SCAF11: variants seen among roughly 807,000 people sequenced by gnomAD.
SCAF11 encodes the protein SR-related CTD associated factor 11, also known as protein SCAF11.
Under a neutral mutation model 140.5 loss-of-function variants are expected in SCAF11, and 47 were observed. That is an observed-to-expected ratio of 0.33 (90% CI 0.26 to 0.43). The LOEUF is 0.43. SCAF11 is among the 20% of genes least tolerant of loss of function. The pLI is 1.00. For missense variants in SCAF11, 1,645 were observed against 1,705.1 expected (o/e 0.96, Z 0.62); for synonymous variants, 557 against 579.4 (o/e 0.96, Z 0.55).
At chr12:45,986,734 T>A (rs1453426564) in intron 1 of SCAF11, among the ~76,000 whole-genome samples, 1 of 152,134 alleles carries the variant, frequency 6.6e-6, no homozygotes, top group African/African-American at 2.4e-5. Flanking sequence ...ATGGGGGCAG[T>A]TTCCCCCATA....
rs1013612372 is a variant in SCAF11 at position 45,919,792 on chromosome 12, T to A, written c.*2256A>T. 6.6e-6 allele frequency: 1 copy of A among 152,216 alleles called. No homozygotes were observed. The highest frequency in any genetic ancestry group is 2.4e-5 in the African/African-American group (1 of 41,456). The allele number at this position is 152,216 out of a possible 1,614,324, so 9.4% of individuals were successfully genotyped here. On this transcript the variant is annotated 3_prime_UTR_variant, in exon 15 of 15. Transcript: ENST00000369367. Reference sequence around the variant, plus strand: ...ATTCATGGGAGTGCTACTAAAGATATATGAGACTTCAACTCTTGACCACAT... The same window carrying A: ...ATTCATGGGAGTGCTACTAAAGATAAATGAGACTTCAACTCTTGACCACAT...
chr12:45,964,946 TCTA>T lies in SCAF11; in HGVS notation c.-21-761_-21-759del, dbSNP rs942606865. Reference sequence around the variant, plus strand: ...GGGTGAAAGTGTGTGTGTGTGTGTGTCTACTAAGGAGACAGTTGTGTGTGTGTA... The same window carrying T: ...GGGTGAAAGTGTGTGTGTGTGTGTGTCTAAGGAGACAGTTGTGTGTGTGTA... On this transcript the variant is annotated intron_variant, in intron 1 of 14. Transcript: ENST00000369367. 3.3e-5 allele frequency among the ~76,000 whole-genome samples: 5 copies of T among 152,114 alleles called. No homozygotes were observed. In the South Asian group the frequency reaches 6.2e-4, roughly 19 times the overall value.
chr12:45,923,544 G>T (rs562380655), intron 12 of SCAF11, among the ~76,000 whole-genome samples: 299 of 152,254 alleles, frequency 2.0e-3, no homozygotes, highest in Non-Finnish European at 2.2e-3. Context: ...ATGGCTTGTA[G>T]TAAGTTGACA....
Position 45,948,510 on chromosome 12 carries a change from T to C in SCAF11, c.325A>G (p.Thr109Ala), listed in dbSNP as rs1199154763. Residue 109 changes from threonine (T) to alanine (A), a missense_variant, in exon 5 of 15, where the codon ACA (threonine) becomes GCA (alanine). Coordinates refer to ENST00000369367, the MANE Select transcript of SCAF11 (RefSeq NM_004719.3). ...GAGTTTTCATTTTTCTTGTCTTTTG[T>C]TTCTCTCAGCTGTTTTTTTACTTGA... ...KVQVKKQLRE[T>A]KDKKNENSFE... is the part of the protein sequence containing the mutation. 1 of 1,611,266 alleles carries C rather than the reference T, an allele frequency of 6.2e-7. No homozygotes were observed. Among genetic ancestry groups the C allele is most frequent in the East Asian group, 2.2e-5 (1 of 44,776 alleles).
Position 45,926,695 on chromosome 12 carries a change from G to A in SCAF11, c.3006C>T (p.Asp1002=). ...QNENTRKEKN[D]IHLDADDPNS... ...TTGGATCATCAGCATCTAGATGGATGTCATTTTTTTCTTTTCTTGTATTTT... is the reference window on the plus strand; with the variant it reads ...TTGGATCATCAGCATCTAGATGGATATCATTTTTTTCTTTTCTTGTATTTT... Residue 1002 remains aspartate, a synonymous_variant, in exon 11 of 15, where the codon GAC becomes GAT. Coordinates refer to ENST00000369367, the MANE Select transcript of SCAF11 (RefSeq NM_004719.3). 6.2e-7 allele frequency: 1 copy of A among 1,613,326 alleles called. No homozygotes were observed. The highest frequency in any genetic ancestry group is 8.5e-7 in the Non-Finnish European group (1 of 1,179,930).
rs149452001 is a variant in SCAF11, at chr12:45,927,412, C to T, written c.2289G>A (p.Ala763=). Residue 763 remains alanine (A), a synonymous_variant, in exon 11 of 15, where the codon GCG becomes GCA. Coordinates refer to ENST00000369367, the MANE Select transcript of SCAF11 (RefSeq NM_004719.3). The part of the protein sequence containing the change: ...SENNMPSSDL[A]DEKVETVSQP... Reference sequence around the variant, plus strand: ...GAGAAACAGTTTCAACCTTTTCATCCGCAAGATCAGAAGACGGCATATTAT... The same window carrying T: ...GAGAAACAGTTTCAACCTTTTCATCTGCAAGATCAGAAGACGGCATATTAT... 2.0e-4 allele frequency: 323 copies of T among 1,613,776 alleles called. 1 individual carries two copies. In the African/African-American group the frequency reaches 3.7e-3, roughly 18 times the overall value.
At position 45,934,512 on chromosome 12, in the gene SCAF11, A is replaced by G; in HGVS notation, c.464-7T>C. ...TCACTGTATAAAGAGTTTCCTGTAC[A>G]AAGACATAAAAGGACTTGGTTACCT... On this transcript the variant is annotated splice_region_variant and splice_polypyrimidine_tract_variant and intron_variant, in intron 6 of 14. Transcript: ENST00000369367. 2.6e-6 allele frequency: 4 copies of G among 1,552,722 alleles called. No individual in the cohort carries two copies. The highest frequency in any genetic ancestry group is 3.5e-6 in the Non-Finnish European group (4 of 1,155,020).
intron 1 of SCAF11, among the ~76,000 whole-genome samples, chr12:45,969,431 C>T (rs181701151): frequency 9.2e-5 from 14 of 152,274 alleles, no homozygotes; most frequent in Admixed American, 8.5e-4. Context: ...TCCCTCCTTG[C>T]TCTTGCTGTT....
intron 1 of SCAF11, 134 bp from the exon 2 acceptor site, chr12:45,964,322 A>G (rs1323870378): frequency 1.8e-6 from 1 of 568,332 alleles, no homozygotes; most frequent in Non-Finnish European, 3.1e-6. Context: ...GTTTGTGGAT[A>G]ATCCAGTACT....
Position 45,961,746 on chromosome 12 carries a change from C to T in SCAF11, c.173G>A (p.Ser58Asn). 1 of 1,613,126 alleles carries T rather than the reference C, an allele frequency of 6.2e-7. No homozygotes were observed. The highest frequency in any genetic ancestry group is 1.1e-5 in the South Asian group (1 of 90,994). ...AGTCATACAGAAGACATGATTACAG[C>T]TTTCTGGAAAACCAACTTCCTTTTC... The part of the protein sequence containing the change: ...LLEKEVGFPE[S>N]CNHVFCMTCI... Residue 58 changes from serine (S) to asparagine (N), a missense_variant, in exon 3 of 15, where the codon AGC becomes AAC. By Grantham distance (46) the Ser-to-Asn change is conservative (BLOSUM62 1). Coordinates refer to ENST00000369367, the MANE Select transcript of SCAF11 (RefSeq NM_004719.3).
At chr12:45,923,269 GA>G in intron 12 of SCAF11, 115 bp from the exon 13 acceptor site, 1 of 780,314 alleles carries the variant, frequency 1.3e-6, no homozygotes, top group South Asian at 1.8e-5. Context: ...TAGTACTAAA[GA>G]AAAATGCATA....
At chr12:45,934,142 T>C in intron 8 of SCAF11, 34 bp downstream of exon 8, 1 of 1,155,742 alleles carries the variant, frequency 8.7e-7, no homozygotes, top group Non-Finnish European at 1.2e-6. Context: ...ACATCAAGTA[T>C]AAACAGCATA....
chr12:45,984,297 A>ACTT (rs1946413947), intron 1 of SCAF11, among the ~76,000 whole-genome samples: 1 of 152,064 alleles, frequency 6.6e-6, no homozygotes, highest in African/African-American at 2.4e-5. Flanking sequence ...TTTGCCTGAT[A>ACTT]CTTCCTTTTA....
chr12:45,982,011 A>C (rs1946361053), intron 1 of SCAF11, among the ~76,000 whole-genome samples: 1 of 152,224 alleles, frequency 6.6e-6, no homozygotes, highest in African/African-American at 2.4e-5. Context: ...AAACAATAAT[A>C]AACGATGGTT....
intron 3 of SCAF11, among the ~76,000 whole-genome samples, chr12:45,959,288 G>C (rs1431961626): frequency 1.3e-5 from 2 of 151,712 alleles, no homozygotes; most frequent in East Asian, 3.9e-4. Context: ...AAAAAAAGAA[G>C]TGAACATGCA....
chr12:45,985,493 G>GA (rs1946441715), intron 1 of SCAF11, among the ~76,000 whole-genome samples: 1 of 152,078 alleles, frequency 6.6e-6, no homozygotes, highest in Non-Finnish European at 1.5e-5. Context: ...CTAGATCAGT[G>GA]AAACAACTGA....
At chr12:45,938,107 C>G (rs780820299) in intron 6 of SCAF11, among the ~76,000 whole-genome samples, 4 of 152,186 alleles carry the variant, frequency 2.6e-5, no homozygotes, top group African/African-American at 4.8e-5. Context: ...CCCCCTCATA[C>G]TGTTTTACTT....
At chr12:45,958,590 T>C (rs1291695981) in intron 3 of SCAF11, among the ~76,000 whole-genome samples, 3 of 152,208 alleles carry the variant, frequency 2.0e-5, no homozygotes, top group Non-Finnish European at 4.4e-5. Flanking sequence ...TATATAATCA[T>C]CATTATTTTA....
intron 3 of SCAF11, among the ~76,000 whole-genome samples, chr12:45,954,507 A>G (rs914517902): frequency 2.6e-5 from 4 of 151,022 alleles, no homozygotes; most frequent in Non-Finnish European, 2.9e-5. Context: ...TAATGGCGTG[A>G]GCTGCTGTAC....
Sources: gnomAD v4.1 joint callset for allele counts (sites outside exome capture counted in the v4.1 genomes callset) on GRCh38, gnomAD v4.1.1 for gene constraint, MANE v1.5 for transcripts, NCBI Gene and HGNC (gene_info 2026-07-23, HGNC 2026-07-21) for gene names.